UBE2E2: variants seen among roughly 807,000 people sequenced by gnomAD.
UBE2E2 encodes ubiquitin-conjugating enzyme E2 E2.
In UBE2E2, 6 loss-of-function variants were observed where a neutral mutation model predicts 24.7. The observed-to-expected ratio is 0.24, with a 90% confidence interval of 0.13 to 0.48. UBE2E2 has a LOEUF of 0.48. Among genes scored for constraint, UBE2E2 ranks in the 20% least tolerant of loss-of-function variants. The pLI is 0.99. For missense variants in UBE2E2, 169 were observed against 245.0 expected, an observed-to-expected ratio of 0.69 and a Z score of 2.07; for synonymous variants, 104 against 83.6, an observed-to-expected ratio of 1.24 and a Z score of -1.33.
intron 3 of UBE2E2, among the ~76,000 whole-genome samples, chr3:23,276,846 TGACAAA>T (rs71620772): frequency 0.063 from 9,541 of 152,152 alleles, 461 homozygotes; most frequent in Non-Finnish European, 0.091. Context: ...AAACAAAGAT[TGACAAA>T]GACAAAGTTG....
chr3:23,381,289 CTG>C (rs1455592236), intron 3 of UBE2E2, among the ~76,000 whole-genome samples: 3 of 152,082 alleles, frequency 2.0e-5, no homozygotes, highest in Non-Finnish European at 4.4e-5. Flanking sequence ...TTCTGGGAAA[CTG>C]TGGTAAGAAT....
chr3:23,562,402 C>T (rs1308677486), intron 5 of UBE2E2, among the ~76,000 whole-genome samples: 2 of 152,224 alleles, frequency 1.3e-5, no homozygotes, highest in South Asian at 2.1e-4. Context: ...ACCAGCCTTG[C>T]ATCCCAGGAA....
At chr3:23,369,596 T>TAAGCATA (rs1696347276) in intron 3 of UBE2E2, among the ~76,000 whole-genome samples, 1 of 152,150 alleles carries the variant, frequency 6.6e-6, no homozygotes, top group Admixed American at 6.6e-5. Context: ...GCTGAGGCAT[T>TAAGCATA]AAGCATACTC....
intron 3 of UBE2E2, among the ~76,000 whole-genome samples, chr3:23,290,854 A>G (rs936090874): frequency 1.3e-5 from 2 of 149,628 alleles, no homozygotes; most frequent in Non-Finnish European, 3.0e-5. Flanking sequence ...CAGGAGTTCA[A>G]CATCAGCCTG....
chr3:23,276,876 TATTA>T (rs1334079323), intron 3 of UBE2E2, among the ~76,000 whole-genome samples: 1 of 152,142 alleles, frequency 6.6e-6, no homozygotes, highest in African/African-American at 2.4e-5. Flanking sequence ...TTTTTCATAG[TATTA>T]ATATTTTAGC....
intron 3 of UBE2E2, among the ~76,000 whole-genome samples, chr3:23,378,520 GT>G (rs1405367691): frequency 6.6e-6 from 1 of 152,098 alleles, no homozygotes; most frequent in Non-Finnish European, 1.5e-5. Flanking sequence ...TCAAACCCAT[GT>G]TTCTCAGAGC....
At chr3:23,222,565 C>T (rs575926305) in intron 3 of UBE2E2, among the ~76,000 whole-genome samples, 1 of 152,318 alleles carries the variant, frequency 6.6e-6, no homozygotes, top group East Asian at 1.9e-4. Flanking sequence ...TCTCATTCTT[C>T]TCTTGTCTGC....
chr3:23,333,167 A>G (rs890782457), intron 3 of UBE2E2, among the ~76,000 whole-genome samples: 1 of 152,118 alleles, frequency 6.6e-6, no homozygotes, highest in African/African-American at 2.4e-5. Flanking sequence ...GTGGTTTTCA[A>G]ACTGTGTTCC....
intron 3 of UBE2E2, among the ~76,000 whole-genome samples, chr3:23,354,264 G>T (rs1194533291): frequency 6.6e-6 from 1 of 151,944 alleles, no homozygotes; most frequent in Non-Finnish European, 1.5e-5. Context: ...TTAAACATTA[G>T]ACCTAAAACC....
At chr3:23,518,705 G>A (rs1247894422) in intron 4 of UBE2E2, among the ~76,000 whole-genome samples, 1 of 152,150 alleles carries the variant, frequency 6.6e-6, no homozygotes, top group East Asian at 1.9e-4. Flanking sequence ...GTAAGTTCTG[G>A]CTGCTGTGTG....
chr3:23,448,639 T>C lies in UBE2E2; in HGVS notation c.228-50969T>C, dbSNP rs147729924. Among the ~76,000 whole-genome samples the C allele has an allele frequency of 1.9e-3, 289 of 152,304 alleles. 2 individuals are homozygous for C. Among genetic ancestry groups the C allele is most frequent in the African/African-American group, 6.7e-3 (277 of 41,572 alleles). ...TAAATTTCTCTCACCAATTGGAGGG[T>C]GATAATTTGTAATTCAAATGTGTTA... On this transcript the variant is annotated intron_variant, in intron 3 of 5. Transcript: ENST00000396703.
Position 23,217,996 on chromosome 3 carries a change from G to A in UBE2E2, c.227+684G>A, listed in dbSNP as rs538132262. On this transcript the variant is annotated intron_variant, in intron 3 of 5. Coordinates refer to ENST00000396703, the MANE Select transcript of UBE2E2 (RefSeq NM_152653.4). ...TGCAGTAGTTAGAAGATGGCTGTTT[G>A]GTTATTTTTAAGACACTTATTTCTG... 5.9e-5 allele frequency among the ~76,000 whole-genome samples: 9 copies of A among 152,156 alleles called. No individual in the cohort carries two copies. The South Asian group carries it at 6.2e-4, about 11-fold the overall frequency.
chr3:23,288,394 G>A (rs143109592), intron 3 of UBE2E2, among the ~76,000 whole-genome samples: 4 of 152,254 alleles, frequency 2.6e-5, no homozygotes, highest in South Asian at 2.1e-4. Context: ...TTCTGCAGCC[G>A]TGGGACAAAA....
chr3:23,491,044 G>C (rs1426505222), intron 3 of UBE2E2, among the ~76,000 whole-genome samples: 1 of 152,114 alleles, frequency 6.6e-6, no homozygotes, highest in African/African-American at 2.4e-5. Flanking sequence ...GCCTTATGGG[G>C]GATAAAATTA....
At chr3:23,293,192 T>G (rs1042212665) in intron 3 of UBE2E2, among the ~76,000 whole-genome samples, 7 of 152,234 alleles carry the variant, frequency 4.6e-5, no homozygotes, top group African/African-American at 1.7e-4. Context: ...ATCCTAACGT[T>G]AGTCGTTGTG....
intron 3 of UBE2E2, among the ~76,000 whole-genome samples, chr3:23,327,799 T>G (rs1230386331): frequency 6.6e-6 from 1 of 152,202 alleles, no homozygotes; most frequent in African/African-American, 2.4e-5. Flanking sequence ...AGACAAAACT[T>G]CTGTGCATAA....
chr3:23,562,753 T>C (rs540515602), intron 5 of UBE2E2, among the ~76,000 whole-genome samples: 157 of 152,332 alleles, frequency 1.0e-3, no homozygotes, highest in South Asian at 4.6e-3. Flanking sequence ...CAGAGCCTGT[T>C]ATTGGTCTAT....
chr3:23,384,060 A>G (rs1373159359), intron 3 of UBE2E2, among the ~76,000 whole-genome samples: 1 of 152,112 alleles, frequency 6.6e-6, no homozygotes, highest in African/African-American at 2.4e-5. Context: ...CAGTGATGCA[A>G]CCATAGCTCA....
chr3:23,478,383 G>C (rs1050235475), intron 3 of UBE2E2, among the ~76,000 whole-genome samples: 6 of 152,184 alleles, frequency 3.9e-5, no homozygotes, highest in African/African-American at 1.4e-4. Context: ...GCAACAGACT[G>C]ATCACCAAAG....
Sources: allele counts gnomAD v4.1 joint callset (sites outside exome capture counted in the v4.1 genomes callset), GRCh38; gene constraint gnomAD v4.1.1; transcripts MANE v1.5; gene names NCBI Gene and HGNC (gene_info 2026-07-23, HGNC 2026-07-21).